Variants in FAT3 observed in about 807,000 individuals in gnomAD.
The protein encoded by FAT3 is protocadherin Fat 3.
Under a neutral mutation model 310.2 loss-of-function variants are expected in FAT3, and 95 were observed. That is an observed-to-expected ratio of 0.31 (90% CI 0.26 to 0.36). The LOEUF is 0.36. FAT3 is among the 10% of genes least tolerant of loss of function. The probability of loss-of-function intolerance (pLI) is 1.00; values close to 1 mark genes in which losing one functional copy is unlikely to be tolerated. For synonymous variants in FAT3, 2,314 were observed against 2,192.9 expected (o/e 1.06, Z -1.54); for missense variants, 5,408 against 5,715.6 (o/e 0.95, Z 1.74).
intron 1 of FAT3, among the ~76,000 whole-genome samples, chr11:92,323,134 A>G (rs1298918459): frequency 6.6e-6 from 1 of 152,202 alleles, no homozygotes; most frequent in Non-Finnish European, 1.5e-5. Flanking sequence ...TGAAAACAGC[A>G]TTAATCTCCT....
intron 2 of FAT3, among the ~76,000 whole-genome samples, chr11:92,412,720 T>C (rs189293579): frequency 8.6e-4 from 16 of 18,690 alleles, no homozygotes; most frequent in Non-Finnish European, 2.0e-3. Flanking sequence ...TATATATATA[T>C]ATATATATAT....
intron 1 of FAT3, among the ~76,000 whole-genome samples, chr11:92,282,189 G>C (rs1946443784): frequency 6.6e-6 from 1 of 152,028 alleles, no homozygotes; most frequent in South Asian, 2.1e-4. Context: ...CTTCTTTAAG[G>C]TCTGTTTCAA....
chr11:92,862,582 G>A (rs893247225), intron 21 of FAT3, among the ~76,000 whole-genome samples: 1 of 152,176 alleles, frequency 6.6e-6, no homozygotes, highest in African/African-American at 2.4e-5. Context: ...TAAACTGAAA[G>A]GAGGATAGGG....
At chr11:92,755,210 G>C (rs2136066100) in intron 4 of FAT3, among the ~76,000 whole-genome samples, 1 of 133,040 alleles carries the variant, frequency 7.5e-6, no homozygotes, top group Admixed American at 7.1e-5. Context: ...TGCTAAGAGA[G>C]TAGTTTTTGT....
chr11:92,354,882 G>A lies in FAT3; in HGVS notation c.2770G>A (p.Val924Ile), dbSNP rs1366326117. The A allele has an allele frequency of 6.2e-7, 1 of 1,613,840 alleles. No homozygotes were observed. Among genetic ancestry groups the A allele is most frequent in the Non-Finnish European group, 8.5e-7 (1 of 1,179,862 alleles). ...QQLFSVVTLKVFLDDVNDCSP... is the reference protein window; with the variant it reads ...QQLFSVVTLKIFLDDVNDCSP... ...GCTGTTTTCAGTTGTCACTCTTAAAGTTTTTTTAGATGATGTCAATGACTG... is the reference window on the plus strand; with the variant it reads ...GCTGTTTTCAGTTGTCACTCTTAAAATTTTTTTAGATGATGTCAATGACTG... Residue 924 changes from valine (V) to isoleucine (I), a missense_variant, in exon 2 of 28, where the codon GTT becomes ATT. Around this residue, in one of 5 missense-constraint regions of FAT3, gnomAD observed 4,588 missense variants for 4,809.8 expected, o/e 0.95. Coordinates refer to ENST00000525166, the MANE Select transcript of FAT3 (RefSeq NM_001367949.2).
chr11:92,458,689 C>T (rs527466731), intron 2 of FAT3, among the ~76,000 whole-genome samples: 2 of 152,210 alleles, frequency 1.3e-5, no homozygotes, highest in South Asian at 4.2e-4. Flanking sequence ...ACTGGCTTTT[C>T]CAATGACATT....
intron 3 of FAT3, among the ~76,000 whole-genome samples, chr11:92,599,563 T>C (rs1939906026): frequency 6.6e-6 from 1 of 152,002 alleles, no homozygotes; most frequent in Non-Finnish European, 1.5e-5. Flanking sequence ...GAAAGATGAG[T>C]GGGAGGATCA....
chr11:92,488,151 G>A (rs569395273), intron 2 of FAT3, among the ~76,000 whole-genome samples: 2 of 152,264 alleles, frequency 1.3e-5, no homozygotes, highest in South Asian at 4.1e-4. Flanking sequence ...AGGACCTGCA[G>A]GGCAGCCTCC....
At chr11:92,277,665 G>T (rs116731906) in intron 1 of FAT3, among the ~76,000 whole-genome samples, 1 of 151,992 alleles carries the variant, frequency 6.6e-6, no homozygotes, top group Non-Finnish European at 1.5e-5. Context: ...ATACATGGGC[G>T]TAAAGATGGC....
intron 1 of FAT3, among the ~76,000 whole-genome samples, chr11:92,295,390 G>T (rs755044696): frequency 6.6e-6 from 1 of 152,086 alleles, no homozygotes; most frequent in Non-Finnish European, 1.5e-5. Context: ...ATGGACTTTG[G>T]ACAGGGAGTT....
intron 2 of FAT3, among the ~76,000 whole-genome samples, chr11:92,463,112 G>A (rs990067068): frequency 2.6e-5 from 4 of 152,236 alleles, no homozygotes; most frequent in African/African-American, 7.2e-5. Context: ...ATGCTAGAGT[G>A]AGAAGTTTAT....
chr11:92,645,501 A>AAAC (rs1192612166), intron 3 of FAT3, among the ~76,000 whole-genome samples: 50 of 149,112 alleles, frequency 3.4e-4, no homozygotes, highest in African/African-American at 1.3e-3. Context: ...AAAAAAAAAA[A>AAAC]AAACAGGTAA....
chr11:92,419,799 GATGGACTCCTT>G, intron 2 of FAT3, among the ~76,000 whole-genome samples: 1 of 152,156 alleles, frequency 6.6e-6, no homozygotes, highest in Non-Finnish European at 1.5e-5. Flanking sequence ...GTCGATTTCA[GATGGACTCCTT>G]TTATCTGCAA....
intron 1 of FAT3, among the ~76,000 whole-genome samples, chr11:92,288,817 T>C (rs532465380): frequency 3.5e-4 from 53 of 152,316 alleles, no homozygotes; most frequent in South Asian, 1.4e-3. Context: ...AGGAGTATCA[T>C]AAATGAAACA....
At chr11:92,463,681 G>T (rs566428921) in intron 2 of FAT3, among the ~76,000 whole-genome samples, 1 of 152,148 alleles carries the variant, frequency 6.6e-6, no homozygotes, top group African/African-American at 2.4e-5. Context: ...GCTGTTCAAG[G>T]TAATTTTTGG....
chr11:92,467,060 T>C (rs1357935411), intron 2 of FAT3, among the ~76,000 whole-genome samples: 1 of 152,124 alleles, frequency 6.6e-6, no homozygotes, highest in African/African-American at 2.4e-5. Context: ...TGTGTCTTTA[T>C]AGCAGCATGA....
chr11:92,551,694 A>T (rs1954829455), intron 3 of FAT3, among the ~76,000 whole-genome samples: 2 of 152,166 alleles, frequency 1.3e-5, no homozygotes, highest in African/African-American at 4.8e-5. Context: ...TTATTTTGAC[A>T]GTGAAATATA....
At chr11:92,636,564 T>C (rs578065882) in intron 3 of FAT3, among the ~76,000 whole-genome samples, 32 of 152,278 alleles carry the variant, frequency 2.1e-4, no homozygotes, top group African/African-American at 7.2e-4. Context: ...AAAAAACATT[T>C]TTAGGCAGTG....
chr11:92,273,693 A>G (rs950176978), intron 1 of FAT3, among the ~76,000 whole-genome samples: 4 of 152,104 alleles, frequency 2.6e-5, no homozygotes, highest in Non-Finnish European at 4.4e-5. Flanking sequence ...GGACTAAATT[A>G]GAGGAAGACT....
Sources: gnomAD v4.1 joint callset for allele counts (sites outside exome capture counted in the v4.1 genomes callset) on GRCh38, gnomAD v4.1.1 for gene constraint, gnomAD v4.1.1 regional missense constraint, MANE v1.5 for transcripts, NCBI Gene and HGNC (gene_info 2026-07-23, HGNC 2026-07-21) for gene names.